Variants in WWOX observed in about 807,000 individuals in gnomAD.
WWOX encodes WW domain containing oxidoreductase, also known as WW domain-containing oxidoreductase.
In WWOX, 69 loss-of-function variants were observed where a neutral mutation model predicts 46.2. That is an observed-to-expected ratio of 1.49 (90% CI 1.23 to 1.82). The LOEUF is 1.82. WWOX is among the 40% of genes most tolerant of loss of function. The probability of loss-of-function intolerance (pLI) is 0.00; values close to 1 mark genes in which losing one functional copy is unlikely to be tolerated. For synonymous variants in WWOX, 359 were observed against 202.6 expected (o/e 1.77, Z -6.56); for missense variants, 919 against 542.6 (o/e 1.69, Z -6.89).
At chr16:78,887,833 C>A (rs1211198582) in intron 8 of WWOX, among the ~76,000 whole-genome samples, 1 of 152,178 alleles carries the variant, frequency 6.6e-6, no homozygotes, top group Admixed American at 6.5e-5. Context: ...GACTCTGTCT[C>A]TTTAAGTGTT....
intron 8 of WWOX, among the ~76,000 whole-genome samples, chr16:78,612,269 A>G (rs1318080324): frequency 6.6e-6 from 1 of 152,190 alleles, no homozygotes; most frequent in East Asian, 1.9e-4. Flanking sequence ...TTTGTGAAGG[A>G]TGGCAAAGTG....
chr16:79,101,369 C>T (rs183309608), intron 8 of WWOX: 14 of 152,276 alleles, frequency 9.2e-5, no homozygotes, highest in Admixed American at 7.2e-4. Flanking sequence ...AAGGATTTAA[C>T]ACGTCAGGTA....
At chr16:79,130,195 A>G (rs2150693701) in intron 8 of WWOX, among the ~76,000 whole-genome samples, 1 of 152,334 alleles carries the variant, frequency 6.6e-6, no homozygotes, top group East Asian at 1.9e-4. Context: ...AGAGTGTCTG[A>G]TTCCTGAACC....
intron 8 of WWOX, among the ~76,000 whole-genome samples, chr16:78,972,017 A>T (rs1214301584): frequency 6.6e-6 from 1 of 152,100 alleles, no homozygotes; most frequent in Non-Finnish European, 1.5e-5. Context: ...GTTTACTCCG[A>T]AACTTCTTGC....
intron 8 of WWOX, among the ~76,000 whole-genome samples, chr16:78,449,969 A>G (rs2083653369): frequency 6.6e-6 from 1 of 151,824 alleles, no homozygotes. Context: ...GAATATCTAG[A>G]CTATATGTAA....
chr16:78,817,087 C>G (rs945420478), intron 8 of WWOX, among the ~76,000 whole-genome samples: 2 of 151,300 alleles, frequency 1.3e-5, no homozygotes, highest in Non-Finnish European at 2.9e-5. Flanking sequence ...TCCCCTAACC[C>G]TCTGTAATCC....
chr16:78,317,307 G>A (rs2080374942), intron 5 of WWOX, among the ~76,000 whole-genome samples: 2 of 152,226 alleles, frequency 1.3e-5, no homozygotes, highest in African/African-American at 4.8e-5. Context: ...CTCTGTTTCT[G>A]TCTCTCTCAC....
chr16:78,620,792 A>G (rs2046161674), intron 8 of WWOX, among the ~76,000 whole-genome samples: 1 of 152,164 alleles, frequency 6.6e-6, no homozygotes, highest in South Asian at 2.1e-4. Context: ...AAATTTATAA[A>G]TATCACTACT....
At chr16:78,932,391 G>C (rs1382950532) in intron 8 of WWOX, among the ~76,000 whole-genome samples, 1 of 152,180 alleles carries the variant, frequency 6.6e-6, no homozygotes, top group African/African-American at 2.4e-5. Context: ...TCTTTGTATA[G>C]ACAGCCTATG....
At position 79,103,476 on chromosome 16, in the gene WWOX, C is replaced by T. The variant is rs76816429; in HGVS notation, c.1057-108132C>T. On this transcript the variant is annotated intron_variant, in intron 8 of 8. Coordinates refer to ENST00000566780, the MANE Select transcript of WWOX (RefSeq NM_016373.4). ...CCTTCCTTGGATTTTGTGCCTCTTC[C>T]CCTGTTCCTGAGGCCCCCACTGGGA... Among the ~76,000 whole-genome samples, 889 of 152,262 alleles carry T rather than the reference C, an allele frequency of 5.8e-3. 9 individuals are homozygous for T. The highest frequency in any genetic ancestry group is 0.02 in the African/African-American group (849 of 41,542).
intron 5 of WWOX, among the ~76,000 whole-genome samples, chr16:78,316,915 C>T (rs1029775558): frequency 6.6e-6 from 1 of 152,168 alleles, no homozygotes; most frequent in African/African-American, 2.4e-5. Flanking sequence ...TTTGTGAATT[C>T]ATTATTCGTT....
Position 78,755,759 on chromosome 16 carries a change from G to C in WWOX, c.1056+323007G>C, listed in dbSNP as rs142257138. On this transcript the variant is annotated intron_variant, in intron 8 of 8. Transcript: ENST00000566780. ...ATATGCCGAATATTATTCCTGAAAA[G>C]GGGCATGGGGATAATTACAAAAACA... 9.0e-4 allele frequency among the ~76,000 whole-genome samples: 137 copies of C among 152,254 alleles called. 1 individual carries two copies. In the East Asian group the frequency reaches 0.024, roughly 27 times the overall value.
At chr16:78,448,934 A>C (rs778218184) in intron 8 of WWOX, among the ~76,000 whole-genome samples, 6 of 152,186 alleles carry the variant, frequency 3.9e-5, no homozygotes, top group Non-Finnish European at 8.8e-5. Flanking sequence ...TGGGTCGGCT[A>C]TCTTGCTTCT....
chr16:78,780,074 T>C (rs967149967), intron 8 of WWOX, among the ~76,000 whole-genome samples: 1 of 152,138 alleles, frequency 6.6e-6, no homozygotes, highest in African/African-American at 2.4e-5. Flanking sequence ...TGAAATAAAT[T>C]AATGGTGTGG....
chr16:78,693,671 G>A (rs1378586870), intron 8 of WWOX, among the ~76,000 whole-genome samples: 1 of 152,094 alleles, frequency 6.6e-6, no homozygotes, highest in East Asian at 1.9e-4. Context: ...ATAACTATTG[G>A]CATCGAGTGG....
intron 8 of WWOX, among the ~76,000 whole-genome samples, chr16:79,158,449 C>T (rs1464321834): frequency 6.6e-6 from 1 of 152,158 alleles, no homozygotes; most frequent in Non-Finnish European, 1.5e-5. Context: ...CAGCGGATGG[C>T]GTTTAACTCT....
rs142054350 is a variant in WWOX, at chr16:79,003,581, G to T, written c.1057-208027G>T. Among the ~76,000 whole-genome samples, 1,172 of 152,314 alleles carry T rather than the reference G, an allele frequency of 7.7e-3. 18 individuals are homozygous for T. Among genetic ancestry groups the T allele is most frequent in the African/African-American group, 0.027 (1,115 of 41,574 alleles). ...GATGGAGGTCATTTAGTGGAATCCAGTTGGCAGGAGAGCTGGCCTTGGAGA... is the reference window on the plus strand; with the variant it reads ...GATGGAGGTCATTTAGTGGAATCCATTTGGCAGGAGAGCTGGCCTTGGAGA... On this transcript the variant is annotated intron_variant, in intron 8 of 8. Transcript: ENST00000566780.
At chr16:78,722,535 C>G (rs1210019961) in intron 8 of WWOX, among the ~76,000 whole-genome samples, 1 of 151,986 alleles carries the variant, frequency 6.6e-6, no homozygotes, top group South Asian at 2.1e-4. Context: ...TCATGGAGTT[C>G]AGTAAGAGTA....
chr16:78,562,048 C>T (rs2044452438), intron 8 of WWOX, among the ~76,000 whole-genome samples: 1 of 152,126 alleles, frequency 6.6e-6, no homozygotes, highest in East Asian at 1.9e-4. Context: ...GTTTTTAGCC[C>T]CGTGGAGGCA....
Sources: gnomAD v4.1 joint callset for allele counts (sites outside exome capture counted in the v4.1 genomes callset) on GRCh38, gnomAD v4.1.1 for gene constraint, MANE v1.5 for transcripts, NCBI Gene and HGNC (gene_info 2026-07-23, HGNC 2026-07-21) for gene names.